Variants in ARHGEF3 observed in about 807,000 individuals in gnomAD.
ARHGEF3 encodes the protein Rho guanine nucleotide exchange factor 3.
In ARHGEF3, 28 loss-of-function variants were observed where a neutral mutation model predicts 63.2. That is an observed-to-expected ratio of 0.44 (90% CI 0.33 to 0.61). The LOEUF (loss-of-function observed/expected upper bound fraction) is 0.61, where lower values mean the gene tolerates loss of function less well. Ranked by LOEUF, ARHGEF3 falls within the 20% of genes least tolerant of loss-of-function variation. The pLI, the probability that ARHGEF3 is intolerant of heterozygous loss-of-function variation, is 0.03. For missense variants in ARHGEF3, 533 were observed against 659.3 expected (o/e 0.81, Z 2.10); for synonymous variants, 266 against 254.2 (o/e 1.05, Z -0.44).
At chr3:56,759,535 CGTT>C (rs1464703188) in intron 2 of ARHGEF3, among the ~76,000 whole-genome samples, 1 of 151,660 alleles carries the variant, frequency 6.6e-6, no homozygotes, top group Non-Finnish European at 1.5e-5. Context: ...ATTACTTTTT[CGTT>C]GTTGTTTTTT....
At chr3:56,736,904 C>T (rs945066921) in intron 8 of ARHGEF3, among the ~76,000 whole-genome samples, 15 of 152,162 alleles carry the variant, frequency 9.9e-5, no homozygotes, top group Admixed American at 9.2e-4. Context: ...ACCACCCTGG[C>T]CAACGTGGTG....
intron 2 of ARHGEF3, among the ~76,000 whole-genome samples, chr3:57,010,822 CTT>C (rs1472347759): frequency 1.3e-5 from 2 of 152,164 alleles, no homozygotes; most frequent in Non-Finnish European, 2.9e-5. Flanking sequence ...ACAAAATACA[CTT>C]TACCCCAAGG....
At chr3:56,883,452 A>G (rs2040833224) in intron 3 of ARHGEF3, among the ~76,000 whole-genome samples, 2 of 151,950 alleles carry the variant, frequency 1.3e-5, no homozygotes, top group Non-Finnish European at 2.9e-5. Context: ...GGAGCACACC[A>G]CCACACTGGG....
rs11391206 is a variant in ARHGEF3, at chr3:56,739,901, A to ATT, written c.871-2548_871-2547dup. Among the ~76,000 whole-genome samples, 711 of 142,238 alleles carry ATT rather than the reference A, an allele frequency of 5.0e-3. 4 individuals carry two copies. Among genetic ancestry groups the ATT allele is most frequent in the African/African-American group, 0.017 (644 of 38,844 alleles). 93.3% of individuals were successfully genotyped at this position (142,238 alleles called of 152,430 possible). ...TTTGTAGCTATTAAGAGTTTCAAAG[A>ATT]TTTTTTTTTTTTTTTGAGACGGAGT... On this transcript the variant is annotated intron_variant, in intron 7 of 9. Transcript: ENST00000296315.
At chr3:56,774,523 T>C (rs1490160154) in intron 1 of ARHGEF3, among the ~76,000 whole-genome samples, 1 of 152,142 alleles carries the variant, frequency 6.6e-6, no homozygotes, top group Non-Finnish European at 1.5e-5. Flanking sequence ...TAGTTGCAAA[T>C]CTGCAAGTTA....
chr3:56,774,293 T>A (rs2036171961), intron 1 of ARHGEF3, among the ~76,000 whole-genome samples: 1 of 151,988 alleles, frequency 6.6e-6, no homozygotes, highest in Non-Finnish European at 1.5e-5. Flanking sequence ...TTTTCTTACT[T>A]CATTAAATTA....
At chr3:56,729,850 CCGCAGGT>C (rs112589361) in intron 9 of ARHGEF3, among the ~76,000 whole-genome samples, 3 of 124,226 alleles carry the variant, frequency 2.4e-5, no homozygotes, top group East Asian at 2.8e-4. Flanking sequence ...TCTCAGAAAC[CCGCAGGT>C]GGAGATCATC....
rs961062223 is a variant in ARHGEF3 at position 57,001,998 on chromosome 3, A to G, written c.62+33090T>C. 3.0e-5 allele frequency among the ~76,000 whole-genome samples: 4 copies of G among 131,158 alleles called. No individual in the cohort carries two copies. In the Admixed American group the frequency reaches 4.1e-4, roughly 13 times the overall value. The allele number at this position is 131,158 out of a possible 152,430, so 86.0% of individuals were successfully genotyped here. A position where few individuals can be genotyped will look rare whatever the true frequency, so the allele number is the denominator to read the frequency against. On this transcript the variant is annotated intron_variant, in intron 2 of 12. Coordinates refer to the ARHGEF3 transcript ENST00000338458. ...GAGTGCAGTGGCGTGATCTCGGCTC[A>G]CTGCAAGCTCCGCTTCCCGGGTTCA...
At chr3:56,859,820 G>A (rs1279159382) in intron 4 of ARHGEF3, among the ~76,000 whole-genome samples, 6 of 151,826 alleles carry the variant, frequency 4.0e-5, no homozygotes, top group Non-Finnish European at 2.9e-5. Flanking sequence ...TTACAGGCAT[G>A]AGCCACTACA....
intron 7 of ARHGEF3, among the ~76,000 whole-genome samples, chr3:56,738,431 C>T (rs1478099735): frequency 6.6e-6 from 1 of 152,146 alleles, no homozygotes; most frequent in Non-Finnish European, 1.5e-5. Flanking sequence ...CTCTGCCTTC[C>T]AAAGTGCTGG....
chr3:57,078,577 C>T (rs1458900449), intron 1 of ARHGEF3: 3 of 152,346 alleles, frequency 2.0e-5, no homozygotes, highest in Admixed American at 6.5e-5. Flanking sequence ...CCCACGCTGA[C>T]CTTAACCCCT....
chr3:56,773,410 G>C (rs2036110553), intron 2 of ARHGEF3, among the ~76,000 whole-genome samples: 1 of 152,122 alleles, frequency 6.6e-6, no homozygotes, highest in African/African-American at 2.4e-5. Context: ...GGTTTCCTCA[G>C]GAGGCCCATA....
upstream of ARHGEF3, among the ~76,000 whole-genome samples, chr3:56,805,129 G>C (rs9838114): frequency 0.02 from 3,058 of 152,280 alleles, 101 homozygotes; most frequent in African/African-American, 0.069. Flanking sequence ...CCCTGGCGAC[G>C]TCTGATAGCC....
intron 4 of ARHGEF3, among the ~76,000 whole-genome samples, chr3:56,865,138 GGGATGGCGAGCACATGGC>G (rs1326762318): frequency 1.1e-4 from 16 of 152,134 alleles, no homozygotes; most frequent in Non-Finnish European, 1.9e-4. Flanking sequence ...CTTCCCTGTG[GGGATGGCGAGCACATGGC>G]AGGCCTATTT....
intron 1 of ARHGEF3, among the ~76,000 whole-genome samples, chr3:56,795,446 T>C (rs2037302004): frequency 6.6e-6 from 1 of 152,126 alleles, no homozygotes; most frequent in Admixed American, 6.5e-5. Flanking sequence ...AAGAAAAAAG[T>C]CTAGTGAACT....
intron 7 of ARHGEF3, among the ~76,000 whole-genome samples, chr3:56,742,416 A>C (rs1039498297): frequency 2.6e-5 from 4 of 152,216 alleles, no homozygotes; most frequent in African/African-American, 9.6e-5. Flanking sequence ...ACTGCATTAA[A>C]GGCAAGACCT....
At chr3:57,046,614 C>G (rs1415652073) in intron 1 of ARHGEF3, among the ~76,000 whole-genome samples, 1 of 152,224 alleles carries the variant, frequency 6.6e-6, no homozygotes, top group Non-Finnish European at 1.5e-5. Context: ...GAGCTGCTCA[C>G]CCTCTCTGGA....
chr3:56,952,819 G>C (rs939775024), intron 3 of ARHGEF3, among the ~76,000 whole-genome samples: 1 of 152,156 alleles, frequency 6.6e-6, no homozygotes, highest in Non-Finnish European at 1.5e-5. Flanking sequence ...AAGTCGAAGA[G>C]AGTAGAAGGA....
chr3:56,768,582 CT>C (rs1178481851), intron 2 of ARHGEF3, among the ~76,000 whole-genome samples: 2 of 150,682 alleles, frequency 1.3e-5, no homozygotes, highest in Non-Finnish European at 2.9e-5. Context: ...ATACTCCCCC[CT>C]AAGCTAGATA....
Sources: allele counts gnomAD v4.1 joint callset (sites outside exome capture counted in the v4.1 genomes callset), GRCh38; gene constraint gnomAD v4.1.1; transcripts MANE v1.5; gene names NCBI Gene and HGNC (gene_info 2026-07-23, HGNC 2026-07-21).